Variants in ZNF362 observed in about 807,000 individuals in gnomAD.
ZNF362 encodes the protein rotund homolog.
ZNF362 carries 11 observed loss-of-function variants against 42.9 expected under a neutral mutation model. That is an observed-to-expected ratio of 0.26 (90% confidence interval 0.16 to 0.42). The LOEUF (loss-of-function observed/expected upper bound fraction) is 0.42. ZNF362 is among the 20% of genes least tolerant of loss of function. The pLI is 1.00. For synonymous variants in ZNF362, 255 were observed against 257.3 expected (o/e 0.99, Z 0.09); for missense variants, 362 against 576.2 (o/e 0.63, Z 3.81).
the ZNF362 span, chr1:33,147,592 A>G: frequency 6.2e-7 from 1 of 1,613,882 alleles, no homozygotes; most frequent in Non-Finnish European, 8.5e-7. The surrounding 1 kb of genome is among the most constrained non-coding windows in gnomAD (Gnocchi z 8.1). Context: ...CAGCACCGAC[A>G]CCTCCACATC....
chr1:33,181,663 G>T, the ZNF362 span: 1 of 700,276 alleles, frequency 1.4e-6, no homozygotes. The surrounding 1 kb of genome is among the most constrained non-coding windows in gnomAD (Gnocchi z 6.5). Context: ...TCTAGAGGTA[G>T]TGGGCAGCTC....
the ZNF362 span, chr1:33,196,045 T>C: frequency 6.6e-6 from 1 of 152,190 alleles, no homozygotes; most frequent in African/African-American, 2.4e-5. Context: ...ATTTTTTAAA[T>C]TATTATTCTT....
intron 1 of ZNF362, among the ~76,000 whole-genome samples, chr1:33,256,899 T>TC (rs1002394957): frequency 6.7e-6 from 1 of 150,332 alleles, no homozygotes; most frequent in Non-Finnish European, 1.5e-5. Flanking sequence ...GGGGCTGGTC[T>TC]CCGAGTGTGT....
chr1:33,179,922 TA>T, the ZNF362 span, among the ~76,000 whole-genome samples: 2 of 152,172 alleles, frequency 1.3e-5, no homozygotes, highest in African/African-American at 4.8e-5. Context: ...GGGGTGGGTA[TA>T]AAAAATATAC....
At chr1:33,221,818 T>A in the ZNF362 span, among the ~76,000 whole-genome samples, 1 of 152,132 alleles carries the variant, frequency 6.6e-6, no homozygotes, top group Non-Finnish European at 1.5e-5. Context: ...TCACCCAGCA[T>A]GAACGATGGG....
the ZNF362 span, among the ~76,000 whole-genome samples, chr1:33,184,852 C>G: frequency 6.6e-6 from 1 of 152,276 alleles, no homozygotes; most frequent in African/African-American, 2.4e-5. Context: ...ATGATCTTGG[C>G]TCACTGCAAC....
chr1:33,250,673 A>G, the ZNF362 span, among the ~76,000 whole-genome samples: 2 of 152,040 alleles, frequency 1.3e-5, no homozygotes, highest in Admixed American at 1.3e-4. Flanking sequence ...CTGTGCAGCA[A>G]ACCACCATGG....
chr1:33,208,829 T>C, the ZNF362 span, among the ~76,000 whole-genome samples: 110,418 of 152,072 alleles, frequency 0.73, 40,329 homozygotes, highest in Non-Finnish European at 0.76. Context: ...TGGGCTGAGA[T>C]GATGGGGTTT....
upstream of ZNF362, among the ~76,000 whole-genome samples, chr1:33,256,232 G>C (rs1450491004): frequency 7.0e-6 from 1 of 143,256 alleles, no homozygotes; most frequent in Non-Finnish European, 1.5e-5. Context: ...GCCCGAGTGG[G>C]GGCCCCAGCG....
the ZNF362 span, among the ~76,000 whole-genome samples, chr1:33,156,834 A>G: frequency 3.3e-5 from 5 of 151,488 alleles, no homozygotes; most frequent in African/African-American, 9.7e-5. Context: ...AATAATTACT[A>G]TCTCCCTCGT....
At chr1:33,193,340 T>G in the ZNF362 span, among the ~76,000 whole-genome samples, 1 of 152,150 alleles carries the variant, frequency 6.6e-6, no homozygotes, top group African/African-American at 2.4e-5. Context: ...GACATAAAGT[T>G]TGTCTTGGAA....
chr1:33,180,978 C>A, the ZNF362 span: 3 of 1,018,150 alleles, frequency 2.9e-6, no homozygotes, highest in Non-Finnish European at 4.2e-6. Context: ...CCCGGCCCCA[C>A]CTCCAGCCCG....
chr1:33,146,773 A>C, the ZNF362 span: 32 of 258,874 alleles, frequency 1.2e-4, no homozygotes, highest in South Asian at 7.5e-4. Flanking sequence ...GCCATGGGAC[A>C]TAAGAGGGTG....
At chr1:33,186,434 A>G in the ZNF362 span, among the ~76,000 whole-genome samples, 1 of 151,996 alleles carries the variant, frequency 6.6e-6, no homozygotes, top group Non-Finnish European at 1.5e-5. Flanking sequence ...GAGTTACAGT[A>G]GTGTTGGCTG....
chr1:33,276,025 G>A, intron 2 of ZNF362, 75 bp from the exon 3 acceptor site: 1 of 1,548,068 alleles, frequency 6.5e-7, no homozygotes. Flanking sequence ...GACTTGAGTG[G>A]GCGCAGCTGA....
chr1:33,184,871 C>G, the ZNF362 span, among the ~76,000 whole-genome samples: 2 of 152,146 alleles, frequency 1.3e-5, no homozygotes, highest in African/African-American at 4.8e-5. Flanking sequence ...ACCTCTGCCT[C>G]CCAGGTCCAA....
At position 33,290,000 on chromosome 1, in the gene ZNF362, T is replaced by C. The variant is rs370426527; in HGVS notation, c.909-4937T>C. Among the ~76,000 whole-genome samples the C allele has an allele frequency of 1.9e-3, 285 of 152,252 alleles. 1 individual carries two copies. The highest frequency in any genetic ancestry group is 0.018 in the South Asian group (85 of 4,820). ...GTGTTAACTGAGGAACAGGTGTTCC[T>C]GGTAGAGGGAACAGCTTGGATAAAG... On this transcript the variant is annotated intron_variant, in intron 6 of 8. Transcript: ENST00000539719.
At chr1:33,152,458 T>C in the ZNF362 span, among the ~76,000 whole-genome samples, 1 of 151,942 alleles carries the variant, frequency 6.6e-6, no homozygotes, top group Non-Finnish European at 1.5e-5. Flanking sequence ...TCCCAGCTAC[T>C]TGGGAGGCTG....
the ZNF362 span, among the ~76,000 whole-genome samples, chr1:33,150,927 G>A: frequency 6.6e-6 from 1 of 152,128 alleles, no homozygotes; most frequent in African/African-American, 2.4e-5. Flanking sequence ...GAGTGCTGGG[G>A]GAACCTAGGC....
Sources: gnomAD v4.1 joint callset for allele counts (sites outside exome capture counted in the v4.1 genomes callset) on GRCh38, gnomAD v4.1.1 for gene constraint, Gnocchi (gnomAD v3.1) non-coding constraint, MANE v1.5 for transcripts, NCBI Gene and HGNC (gene_info 2026-07-23, HGNC 2026-07-21) for gene names.